The following FAAH2 variants were observed in gnomAD, a reference collection of about 807,000 sequenced individuals.
The protein encoded by FAAH2 is fatty acid amide hydrolase 2.
FAAH2 carries 60 observed loss-of-function variants against 36.9 expected under a neutral mutation model. The ratio of observed to expected loss-of-function variants is 1.63; its 90% CI spans 1.32 to 2.02. FAAH2 has a LOEUF of 2.02. Ranked by LOEUF, FAAH2 falls within the 30% of genes most tolerant of loss-of-function variation. The probability of loss-of-function intolerance (pLI) is 0.00; values close to 1 mark genes in which losing one functional copy is unlikely to be tolerated. For missense variants in FAAH2, 689 were observed against 397.5 expected (o/e 1.73, Z -6.23); for synonymous variants, 214 against 143.8 (o/e 1.49, Z -3.49).
chrX:57,451,117 C>T (rs950422991), intron 10 of FAAH2, among the ~76,000 whole-genome samples: 3 of 111,402 alleles, frequency 2.7e-5, no homozygotes, highest in African/African-American at 9.8e-5. Flanking sequence ...AGATAATATA[C>T]GAACTGGGAC....
At chrX:57,414,179 C>T (rs1413116106) in intron 7 of FAAH2, among the ~76,000 whole-genome samples, 4 of 111,914 alleles carry the variant, frequency 3.6e-5, no homozygotes, top group Admixed American at 2.9e-4. Context: ...GACATCCTCT[C>T]TTCCTATTTG....
Position 57,443,400 on chromosome X carries a change from C to T in FAAH2, c.1117-3528C>T, listed in dbSNP as rs1298418137. Among the ~76,000 whole-genome samples the T allele has an allele frequency of 5.4e-5, 6 of 112,054 alleles. No homozygotes were observed. In the East Asian group the frequency reaches 8.4e-4, roughly 16 times the overall value. ...TACCCTTTCTTCCACTTTATCAAAT[C>T]GGCTACTGAAGGTTGTGCATTCATC... On this transcript the variant is annotated intron_variant, in intron 8 of 10. Coordinates refer to ENST00000374900, the MANE Select transcript of FAAH2 (RefSeq NM_174912.4).
intron 5 of FAAH2, among the ~76,000 whole-genome samples, chrX:57,353,487 T>TAAAAA (rs3035714): frequency 5.8e-4 from 49 of 83,810 alleles, no homozygotes; most frequent in Admixed American, 3.9e-3. Flanking sequence ...CCCAAATTAT[T>TAAAAA]AAAAAAAAAA....
At chrX:57,158,810 T>C in the FAAH2 span, among the ~76,000 whole-genome samples, 2 of 112,142 alleles carry the variant, frequency 1.8e-5, no homozygotes, top group East Asian at 5.6e-4. Flanking sequence ...TTCACTCTGA[T>C]GGTGGTTTCT....
At chrX:57,206,976 A>G in the FAAH2 span, among the ~76,000 whole-genome samples, 7 of 111,694 alleles carry the variant, frequency 6.3e-5, no homozygotes, top group Non-Finnish European at 1.1e-4. Context: ...CCATCATTCT[A>G]TGCAAATTGG....
At chrX:57,158,339 T>C in the FAAH2 span, among the ~76,000 whole-genome samples, 1 of 112,270 alleles carries the variant, frequency 8.9e-6, no homozygotes, top group African/African-American at 3.2e-5. Flanking sequence ...AGAAGCATGA[T>C]TTATAATCCT....
rs112213769 is a variant in FAAH2, at chrX:57,478,412, G to C, written c.1424-10345G>C. ...TAGCCCTTTGTCAGATGAGTAGGTTGTGAAAATTTTCTCCCATTTTGTAGG... is the reference window on the plus strand; with the variant it reads ...TAGCCCTTTGTCAGATGAGTAGGTTCTGAAAATTTTCTCCCATTTTGTAGG... On this transcript the variant is annotated intron_variant, in intron 10 of 10. Transcript: ENST00000374900. 1.6e-3 allele frequency among the ~76,000 whole-genome samples: 181 copies of C among 111,340 alleles called. 2 individuals carry two copies. Among genetic ancestry groups the C allele is most frequent in the African/African-American group, 5.5e-3 (169 of 30,652 alleles).
At chrX:57,448,140 A>G (rs1193957783) in intron 9 of FAAH2, among the ~76,000 whole-genome samples, 1 of 111,040 alleles carries the variant, frequency 9.0e-6, no homozygotes, top group Non-Finnish European at 1.9e-5. Context: ...AGGGCTCACC[A>G]CCACACCTGG....
chrX:57,265,457 C>T, the FAAH2 span, among the ~76,000 whole-genome samples: 9 of 111,751 alleles, frequency 8.1e-5, no homozygotes, highest in African/African-American at 1.3e-4. Context: ...AAGGGGTGGG[C>T]TACTAACTCT....
rs1257463362 is a variant in FAAH2, at chrX:57,350,097, G to A, written c.742+8707G>A. On this transcript the variant is annotated intron_variant, in intron 5 of 10. Transcript: ENST00000374900. ...TTCAAAGGCCAGAAAATAAATGGAT[G>A]ATATGTTCAAAGTGTAGAAAGAAAA... Among the ~76,000 whole-genome samples the A allele has an allele frequency of 6.3e-5, 7 of 111,006 alleles. No homozygotes were observed. In the Admixed American group the frequency reaches 6.7e-4, roughly 11 times the overall value.
chrX:57,398,083 C>T (rs2055347724), intron 7 of FAAH2, among the ~76,000 whole-genome samples: 1 of 111,740 alleles, frequency 8.9e-6, no homozygotes, highest in African/African-American at 3.3e-5. Context: ...GCCATATGTT[C>T]TTAATCCAGT....
intron 7 of FAAH2, among the ~76,000 whole-genome samples, chrX:57,427,250 A>G (rs2056185306): frequency 9.0e-6 from 1 of 110,884 alleles, no homozygotes; most frequent in East Asian, 2.8e-4. Context: ...AATAATATTA[A>G]AAAACTTCCC....
the FAAH2 span, among the ~76,000 whole-genome samples, chrX:57,146,108 T>C: frequency 8.0e-4 from 88 of 110,080 alleles, no homozygotes; most frequent in African/African-American, 2.4e-3. Flanking sequence ...TGAAGAATGA[T>C]GGTGTCATTT....
the FAAH2 span, among the ~76,000 whole-genome samples, chrX:57,226,420 C>G: frequency 8.9e-6 from 1 of 111,754 alleles, no homozygotes; most frequent in Non-Finnish European, 1.9e-5. Context: ...CTTCATTTGG[C>G]TGGATAAAAA....
chrX:57,479,046 G>A (rs186430281), intron 10 of FAAH2, among the ~76,000 whole-genome samples: 1 of 111,349 alleles, frequency 9.0e-6, no homozygotes, highest in East Asian at 2.8e-4. Flanking sequence ...TAGCTTGATG[G>A]GGATGGCAAT....
intron 5 of FAAH2, among the ~76,000 whole-genome samples, chrX:57,356,993 T>A (rs974756166): frequency 1.8e-5 from 2 of 111,087 alleles, no homozygotes; most frequent in East Asian, 5.7e-4. Context: ...ACTGTGTCCA[T>A]GTGTTCTCAT....
chrX:57,483,724 G>C (rs1388373393), intron 10 of FAAH2, among the ~76,000 whole-genome samples: 1 of 103,236 alleles, frequency 9.7e-6, no homozygotes, highest in Admixed American at 1.1e-4. Flanking sequence ...TTACTGTGTA[G>C]TATTCTGGGT....
At chrX:57,457,478 G>A (rs1036593101) in intron 10 of FAAH2, among the ~76,000 whole-genome samples, 5 of 90,891 alleles carry the variant, frequency 5.5e-5, no homozygotes, top group Admixed American at 5.0e-4. Flanking sequence ...TAAATAAAAG[G>A]CACCCAAATA....
intron 4 of FAAH2, among the ~76,000 whole-genome samples, chrX:57,337,410 G>T (rs1025001631): frequency 9.0e-6 from 1 of 110,923 alleles, no homozygotes; most frequent in Non-Finnish European, 1.9e-5. Flanking sequence ...ATTTTATGAG[G>T]CCAGCATCAT....
Sources: gnomAD v4.1 joint callset for allele counts (sites outside exome capture counted in the v4.1 genomes callset) on GRCh38, gnomAD v4.1.1 for gene constraint, MANE v1.5 for transcripts, NCBI Gene and HGNC (gene_info 2026-07-23, HGNC 2026-07-21) for gene names.